Variants in CC2D2B observed in about 807,000 individuals in gnomAD.
The protein encoded by CC2D2B is protein CC2D2B.
In CC2D2B, 128 loss-of-function variants were observed where a neutral mutation model predicts 161.2. The ratio of observed to expected loss-of-function variants is 0.79; its 90% confidence interval spans 0.69 to 0.92. The LOEUF (loss-of-function observed/expected upper bound fraction) is 0.92, where lower values mean the gene tolerates loss of function less well. CC2D2B is among the 40% of genes least tolerant of loss of function. CC2D2B has a pLI of 0.00. For synonymous variants in CC2D2B, 391 were observed against 449.8 expected (o/e 0.87, Z 1.65); for missense variants, 1,173 against 1,375.1 (o/e 0.85, Z 2.32).
At chr10:96,029,046 G>GTATTTGA (rs1169114437) in intron 34 of CC2D2B, among the ~76,000 whole-genome samples, 1 of 151,540 alleles carries the variant, frequency 6.6e-6, no homozygotes, top group Non-Finnish European at 1.5e-5. Flanking sequence ...ATAAGACCTA[G>GTATTTGA]TATTTGATAG....
intron 12 of CC2D2B, 111 bp from the exon 13 acceptor site, chr10:95,965,785 T>TGTGTG (rs2076919296): frequency 4.1e-5 from 14 of 344,340 alleles, no homozygotes; most frequent in Non-Finnish European, 7.2e-5. Context: ...GAGATTGGTT[T>TGTGTG]TGTGTGTGTG....
chr10:96,004,272 C>G, intron 25 of CC2D2B, 24 bp downstream of exon 25: 1 of 1,186,470 alleles, frequency 8.4e-7, no homozygotes, highest in Non-Finnish European at 1.2e-6. Context: ...ATTACAATAG[C>G]CAATGCTGAA....
At chr10:96,013,284 C>G (rs7919099) in intron 28 of CC2D2B, among the ~76,000 whole-genome samples, 93,564 of 151,504 alleles carry the variant, frequency 0.62, 29,058 homozygotes, top group East Asian at 0.83. Context: ...TATTGTTTGA[C>G]AAAGCACATT....
At chr10:95,923,779 C>T (rs1259073068) in intron 3 of CC2D2B, among the ~76,000 whole-genome samples, 1 of 152,152 alleles carries the variant, frequency 6.6e-6, no homozygotes, top group African/African-American at 2.4e-5. Flanking sequence ...CTTTGGGAGG[C>T]TGAGGTGGGT....
chr10:96,032,680 G>A lies in CC2D2B; in HGVS notation c.*672G>A. The A allele has an allele frequency of 2.4e-6, 1 of 417,940 alleles. No homozygotes were observed. The highest frequency in any genetic ancestry group is 5.0e-6 in the Non-Finnish European group (1 of 201,598). 25.9% of individuals were successfully genotyped at this position (417,940 alleles called of 1,614,324 possible). On this transcript the variant is annotated 3_prime_UTR_variant, in exon 35 of 35. Transcript: ENST00000646931. ...AATAAAATAAAATCTACCATGTTGG[G>A]CTGATGTTGGCTTCTGGAAGCTTCT...
chr10:95,919,090 A>C (rs963683090), intron 2 of CC2D2B: 4 of 152,104 alleles, frequency 2.6e-5, no homozygotes, highest in African/African-American at 9.7e-5. Context: ...GAAAGATCAC[A>C]TATTTCTGTT....
In CC2D2B at chr10:95,991,353, T is replaced by A. The variant is rs1207954368; in HGVS notation, c.2380-17T>A. On this transcript the variant is annotated splice_polypyrimidine_tract_variant and intron_variant, in intron 20 of 34. Coordinates refer to ENST00000646931, the MANE Select transcript of CC2D2B (RefSeq NM_001349008.3). ...TATAAACAATACATTTTTTATTAAA[T>A]TCTAAATTTTTTTTAGGTGAGAAGG... The A allele has an allele frequency of 4.8e-6, 4 of 829,638 alleles. No individual in the cohort carries two copies. Among genetic ancestry groups the A allele is most frequent in the Middle Eastern group, 2.7e-4 (1 of 3,704 alleles). The allele number at this position is 829,638 out of a possible 1,614,324, so 51.4% of individuals were successfully genotyped here.
At chr10:96,025,168 T>TAAAAAAAAAAAAAAAA in intron 33 of CC2D2B, among the ~76,000 whole-genome samples, 1 of 12,514 alleles carries the variant, frequency 8.0e-5, no homozygotes, top group East Asian at 3.8e-3. Context: ...TATATATATA[T>TAAAAAAAAAAAAAAAA]ATATATATAT....
intron 23 of CC2D2B, among the ~76,000 whole-genome samples, chr10:95,995,744 TAA>T (rs1159556760): frequency 6.6e-6 from 1 of 152,238 alleles, no homozygotes; most frequent in Non-Finnish European, 1.5e-5. Context: ...AACTACGACT[TAA>T]AGTTTCAAAG....
At chr10:95,942,535 C>T (rs1332201460) in intron 9 of CC2D2B, among the ~76,000 whole-genome samples, 1 of 152,060 alleles carries the variant, frequency 6.6e-6, no homozygotes, top group Non-Finnish European at 1.5e-5. Flanking sequence ...TTTAAAATAT[C>T]CCCTTCTTCA....
chr10:95,941,223 T>C (rs1383282028), intron 9 of CC2D2B, among the ~76,000 whole-genome samples: 1 of 152,142 alleles, frequency 6.6e-6, no homozygotes, highest in Admixed American at 6.5e-5. Context: ...AAACAATACC[T>C]GAAACTATAA....
chr10:95,976,056 C>A (rs559208634), intron 17 of CC2D2B, among the ~76,000 whole-genome samples: 1 of 152,108 alleles, frequency 6.6e-6, no homozygotes, highest in Non-Finnish European at 1.5e-5. Context: ...ATTCTACAGA[C>A]GCATTTATAT....
intron 34 of CC2D2B, among the ~76,000 whole-genome samples, chr10:96,029,260 ATATATATATATATATATATATATATG>A (rs1398551783): frequency 3.5e-3 from 179 of 51,084 alleles, no homozygotes; most frequent in African/African-American, 7.7e-3. Context: ...ATATATATAT[ATATATATATATATATATATATATATG>A]TATATATATA....
At chr10:95,984,886 C>T (rs1183840947) in intron 19 of CC2D2B, among the ~76,000 whole-genome samples, 2 of 151,800 alleles carry the variant, frequency 1.3e-5, no homozygotes, top group East Asian at 1.9e-4. Flanking sequence ...AAAAAAATTA[C>T]ACACACACCC....
At chr10:96,000,034 A>C (rs1047859469) in intron 24 of CC2D2B, 2 of 1,424,544 alleles carry the variant, frequency 1.4e-6, no homozygotes, top group East Asian at 5.9e-5. Context: ...CAATGCCAAC[A>C]GCATGTTGGG....
intron 6 of CC2D2B, among the ~76,000 whole-genome samples, chr10:95,930,922 C>G (rs2098548934): frequency 6.6e-6 from 1 of 152,156 alleles, no homozygotes. Flanking sequence ...CGAGGAGTCT[C>G]TCTTTTTCTA....
intron 6 of CC2D2B, among the ~76,000 whole-genome samples, chr10:95,934,447 A>AC (rs762495950): frequency 5.9e-5 from 4 of 67,758 alleles, no homozygotes; most frequent in South Asian, 3.9e-4. Flanking sequence ...GAAAAAAAAA[A>AC]AACAAACAAA....
rs1564669976 is a variant in CC2D2B, at chr10:96,012,694, C to T, written c.3391C>T (p.Leu1131=). The T allele has an allele frequency of 1.9e-6, 3 of 1,606,554 alleles. No individual in the cohort carries two copies. The highest frequency in any genetic ancestry group is 2.6e-6 in the Non-Finnish European group (3 of 1,173,302). ...IKALNPPQQL[L]DIFLHNSNAT... Reference sequence around the variant, plus strand: ...GGCATTAAATCCACCTCAGCAACTTCTGGATATATTTCTTCACAATTCTAA... The same window carrying T: ...GGCATTAAATCCACCTCAGCAACTTTTGGATATATTTCTTCACAATTCTAA... The change falls in exon 28 of 35, where the codon CTG becomes TTG. Residue 1131 remains leucine (L), a synonymous_variant. Coordinates refer to ENST00000646931, the MANE Select transcript of CC2D2B (RefSeq NM_001349008.3).
In CC2D2B at chr10:95,961,908, A is replaced by T; in HGVS notation, c.1189A>T (p.Ile397Phe). Residue 397 changes from isoleucine (I) to phenylalanine (F), a missense_variant, in exon 12 of 35, where the codon ATT (isoleucine) becomes TTT (phenylalanine). Coordinates refer to ENST00000646931, the MANE Select transcript of CC2D2B (RefSeq NM_001349008.3). ...LHSILRTWKQIKSLRHGQGFT... is the reference protein window; with the variant it reads ...LHSILRTWKQFKSLRHGQGFT... ...CAGTATATTACGAACTTGGAAACAG[A>T]TTAAATCTCTTCGACATGGGCAAGG... is the stretch of plus-strand genomic sequence containing the variant. 1 of 1,231,600 alleles carries T rather than the reference A, an allele frequency of 8.1e-7. No individual in the cohort carries two copies. Among genetic ancestry groups the T allele is most frequent in the Non-Finnish European group, 1.0e-6 (1 of 987,582 alleles). 76.3% of individuals were successfully genotyped at this position (1,231,600 alleles called of 1,614,324 possible).
Sources: allele counts gnomAD v4.1 joint callset (sites outside exome capture counted in the v4.1 genomes callset), GRCh38; gene constraint gnomAD v4.1.1; transcripts MANE v1.5; gene names NCBI Gene and HGNC (gene_info 2026-07-23, HGNC 2026-07-21).